The following INPP4B variants were observed in gnomAD, a reference collection of about 807,000 sequenced individuals.
INPP4B encodes inositol polyphosphate 4-phosphatase type II.
A neutral mutation model predicts 122.5 loss-of-function variants in INPP4B; 55 were observed. The observed-to-expected ratio is 0.45, with a 90% confidence interval of 0.36 to 0.56. INPP4B has a LOEUF of 0.56. INPP4B is among the 20% of genes least tolerant of loss of function. The probability of loss-of-function intolerance (pLI) is 0.00; values close to 1 mark genes in which losing one functional copy is unlikely to be tolerated. For synonymous variants in INPP4B, 403 were observed against 388.7 expected (o/e 1.04, Z -0.43); for missense variants, 1,000 against 1,097.7 (o/e 0.91, Z 1.26).
At chr4:142,229,722 G>A (rs990203158) in intron 12 of INPP4B, among the ~76,000 whole-genome samples, 12 of 152,002 alleles carry the variant, frequency 7.9e-5, no homozygotes, top group African/African-American at 2.4e-4. Flanking sequence ...CATGATTATC[G>A]GTCATCCCAT....
intron 1 of INPP4B, among the ~76,000 whole-genome samples, chr4:142,787,416 G>A (rs1284475129): frequency 2.0e-5 from 3 of 152,024 alleles, no homozygotes; most frequent in Non-Finnish European, 4.4e-5. Flanking sequence ...GGGATGATGT[G>A]GCAAGAAAGC....
chr4:142,093,883 C>T (rs1022876875), intron 23 of INPP4B, among the ~76,000 whole-genome samples: 1 of 121,990 alleles, frequency 8.2e-6, no homozygotes, highest in Non-Finnish European at 1.9e-5. Context: ...TTGCATCACC[C>T]ATAGCAAAAG....
chr4:142,574,914 G>A (rs762318376), intron 2 of INPP4B, among the ~76,000 whole-genome samples: 1 of 152,050 alleles, frequency 6.6e-6, no homozygotes, highest in African/African-American at 2.4e-5. Flanking sequence ...GAGCATGTTT[G>A]TTATGTGACT....
At chr4:142,294,531 G>A (rs1218813089) in intron 9 of INPP4B, among the ~76,000 whole-genome samples, 1 of 151,936 alleles carries the variant, frequency 6.6e-6, no homozygotes, top group African/African-American at 2.4e-5. Context: ...AAATGGTGGG[G>A]AAAAAGTGGA....
intron 1 of INPP4B, among the ~76,000 whole-genome samples, chr4:142,781,799 A>G (rs577116124): frequency 6.6e-6 from 1 of 152,180 alleles, no homozygotes; most frequent in South Asian, 2.1e-4. Flanking sequence ...CTAAAATAAA[A>G]GAAAGCCCCA....
At chr4:142,091,746 G>A (rs1358489356) in intron 23 of INPP4B, among the ~76,000 whole-genome samples, 5 of 152,286 alleles carry the variant, frequency 3.3e-5, no homozygotes, top group South Asian at 2.1e-4. Flanking sequence ...TGACTTTGAC[G>A]ACCTGAATCA....
intron 2 of INPP4B, among the ~76,000 whole-genome samples, chr4:142,722,513 C>T (rs1764819887): frequency 1.3e-5 from 2 of 151,986 alleles, no homozygotes; most frequent in Non-Finnish European, 2.9e-5. Flanking sequence ...TAAAATATTG[C>T]ACAGAAACTA....
chr4:142,701,745 T>C (rs1258196609), intron 2 of INPP4B, among the ~76,000 whole-genome samples: 3 of 152,122 alleles, frequency 2.0e-5, no homozygotes, highest in African/African-American at 4.8e-5. Context: ...CAGTCGACTA[T>C]GGAGAGCCTG....
intron 2 of INPP4B, among the ~76,000 whole-genome samples, chr4:142,524,152 T>C (rs1826498928): frequency 6.6e-6 from 1 of 152,030 alleles, no homozygotes; most frequent in South Asian, 2.1e-4. Flanking sequence ...GCATGATTTA[T>C]AGTCCTTTGG....
chr4:142,332,246 AG>A (rs1774796582), intron 7 of INPP4B, among the ~76,000 whole-genome samples: 1 of 152,202 alleles, frequency 6.6e-6, no homozygotes, highest in Admixed American at 6.5e-5. Context: ...TTTTTAAAAA[AG>A]AAAAAATATA....
At chr4:142,393,727 A>G (rs963607135) in intron 7 of INPP4B, among the ~76,000 whole-genome samples, 1 of 152,246 alleles carries the variant, frequency 6.6e-6, no homozygotes, top group South Asian at 2.1e-4. Flanking sequence ...CCCAGCAGCC[A>G]TACTTCAACC....
At chr4:142,117,862 T>C (rs1038502614) in intron 21 of INPP4B, among the ~76,000 whole-genome samples, 1 of 152,190 alleles carries the variant, frequency 6.6e-6, no homozygotes, top group African/African-American at 2.4e-5. Flanking sequence ...TGTCCCTGTT[T>C]GCAGATGACA....
intron 1 of INPP4B, among the ~76,000 whole-genome samples, chr4:142,775,966 T>C (rs1454224182): frequency 6.6e-6 from 1 of 152,170 alleles, no homozygotes; most frequent in Admixed American, 6.6e-5. Context: ...ATACAATGTT[T>C]CATTTTAGCC....
intron 2 of INPP4B, among the ~76,000 whole-genome samples, chr4:142,546,572 A>C (rs1829671418): frequency 6.6e-6 from 1 of 152,146 alleles, no homozygotes; most frequent in South Asian, 2.1e-4. Context: ...CTAATAAGTT[A>C]GGAGAATTAT....
intron 1 of INPP4B, among the ~76,000 whole-genome samples, chr4:142,796,699 T>C (rs757069266): frequency 2.0e-5 from 3 of 152,126 alleles, no homozygotes; most frequent in Admixed American, 6.6e-5. Flanking sequence ...AACTAGACTA[T>C]TGATAATGAA....
At chr4:142,625,906 G>C (rs868821253) in intron 2 of INPP4B, among the ~76,000 whole-genome samples, 31 of 152,248 alleles carry the variant, frequency 2.0e-4, no homozygotes, top group African/African-American at 7.0e-4. Context: ...TTAATAAATG[G>C]TGCTGGGAGA....
chr4:142,734,733 C>T (rs1766587234), intron 1 of INPP4B, among the ~76,000 whole-genome samples: 1 of 152,148 alleles, frequency 6.6e-6, no homozygotes, highest in Non-Finnish European at 1.5e-5. Context: ...GCAACCTCCG[C>T]CTCCCGGGAT....
At chr4:142,740,434 C>A (rs1454662165) in intron 1 of INPP4B, among the ~76,000 whole-genome samples, 2 of 151,980 alleles carry the variant, frequency 1.3e-5, no homozygotes, top group African/African-American at 2.4e-5. Context: ...ACACAACAAA[C>A]ATACTTTAAA....
Position 142,270,652 on chromosome 4 carries a change from TGA to T in INPP4B, c.615+9_615+10del. The T allele has an allele frequency of 6.8e-7, 1 of 1,466,446 alleles. No individual in the cohort carries two copies. Among genetic ancestry groups the T allele is most frequent in the Non-Finnish European group, 9.6e-7 (1 of 1,045,018 alleles). The allele number at this position is 1,466,446 out of a possible 1,614,324, so 90.8% of individuals were successfully genotyped here. Reference sequence around the variant, plus strand: ...AATTTAATTTGTACAATGAGCAGACTGAGATCCTACCTTTTGTCCCTGTACAT... The same window carrying T: ...AATTTAATTTGTACAATGAGCAGACTGATCCTACCTTTTGTCCCTGTACAT... On this transcript the variant is annotated intron_variant, in intron 10 of 25. Transcript: ENST00000262992.
Sources: gnomAD v4.1 joint callset for allele counts (sites outside exome capture counted in the v4.1 genomes callset) on GRCh38, gnomAD v4.1.1 for gene constraint, MANE v1.5 for transcripts, NCBI Gene and HGNC (gene_info 2026-07-23, HGNC 2026-07-21) for gene names.